KCNN3: variants seen among roughly 807,000 people sequenced by gnomAD.
KCNN3 encodes small conductance calcium-activated potassium channel protein 3.
A neutral mutation model predicts 62.9 loss-of-function variants in KCNN3; 16 were observed. The observed-to-expected ratio is 0.25, with a 90% CI of 0.17 to 0.39. The LOEUF is 0.39. Among genes scored for constraint, KCNN3 ranks in the 10% least tolerant of loss-of-function variants. The probability of loss-of-function intolerance (pLI) is 1.00; values close to 1 mark genes in which losing one functional copy is unlikely to be tolerated. For missense variants in KCNN3, 599 were observed against 949.4 expected, an observed-to-expected ratio of 0.63 and a Z score of 4.85; for synonymous variants, 370 against 389.2, an observed-to-expected ratio of 0.95 and a Z score of 0.58.
Position 154,870,180 on chromosome 1 carries a change from G to A in KCNN3, c.-216C>T. 1.4e-6 allele frequency: 1 copy of A among 711,288 alleles called. No homozygotes were observed. The highest frequency in any genetic ancestry group is 2.6e-6 in the Non-Finnish European group (1 of 389,336). The allele number at this position is 711,288 out of a possible 1,614,324, so 44.1% of individuals were successfully genotyped here. ...TATTGGGCAGGGAGGGAGAGCAGGA[G>A]GGGAGCTTGGAGAAAGAAGAGGGGG... On this transcript the variant is annotated 5_prime_UTR_variant, in exon 1 of 8. Coordinates refer to ENST00000271915, the MANE Select transcript of KCNN3 (RefSeq NM_002249.6).
intron 3 of KCNN3, among the ~76,000 whole-genome samples, chr1:154,764,671 T>A (rs947287109): frequency 6.6e-6 from 1 of 152,226 alleles, no homozygotes; most frequent in Non-Finnish European, 1.5e-5. Flanking sequence ...TCCTCTCAAA[T>A]TTTTAATCTG....
intron 3 of KCNN3, among the ~76,000 whole-genome samples, chr1:154,765,461 A>G (rs541651760): frequency 1.3e-5 from 2 of 152,252 alleles, no homozygotes; most frequent in South Asian, 4.1e-4. Flanking sequence ...ATGTAGTGCC[A>G]TCAATGTGGA....
chr1:154,740,210 TGGACAGTG>T (rs1161095427), intron 3 of KCNN3, among the ~76,000 whole-genome samples: 2 of 152,254 alleles, frequency 1.3e-5, no homozygotes, highest in East Asian at 1.9e-4. Context: ...CACCTGTTGA[TGGACAGTG>T]GGATAGCTTA....
In KCNN3 at chr1:154,796,985, G is replaced by A. The variant is rs561360834; in HGVS notation, c.1030-24592C>T. On this transcript the variant is annotated intron_variant, in intron 2 of 7. Transcript: ENST00000271915. ...ATCCCGGTGTGCTTGTGGACATGGG[G>A]GTGATCTGCTTGGCTTCATCAGCAG... Among the ~76,000 whole-genome samples, 7 of 152,342 alleles carry A rather than the reference G, an allele frequency of 4.6e-5. No individual in the cohort carries two copies. In the East Asian group the frequency reaches 9.6e-4, roughly 21 times the overall value.
At chr1:154,860,446 C>A (rs1405998723) in intron 1 of KCNN3, among the ~76,000 whole-genome samples, 3 of 152,172 alleles carry the variant, frequency 2.0e-5, no homozygotes, top group Non-Finnish European at 4.4e-5. Context: ...CATGTCCACA[C>A]CCGGTTAGCT....
At chr1:154,863,220 T>A (rs1356000821) in intron 1 of KCNN3, among the ~76,000 whole-genome samples, 1 of 151,664 alleles carries the variant, frequency 6.6e-6, no homozygotes, top group Admixed American at 6.6e-5. Flanking sequence ...GGGGGTGGAA[T>A]GACAGGGTCG....
intron 2 of KCNN3, among the ~76,000 whole-genome samples, chr1:154,790,995 G>A (rs567309831): frequency 6.0e-4 from 92 of 152,194 alleles, no homozygotes; most frequent in African/African-American, 1.7e-3. Context: ...TTGGGAGGCC[G>A]AGGTGAGTGG....
At chr1:154,868,661 G>C (rs553068886) in intron 1 of KCNN3, among the ~76,000 whole-genome samples, 1 of 152,196 alleles carries the variant, frequency 6.6e-6, no homozygotes, top group Non-Finnish European at 1.5e-5. Context: ...GCTTTAGTAC[G>C]AGTGAGCCAG....
chr1:154,742,503 G>A (rs988474881), intron 3 of KCNN3, among the ~76,000 whole-genome samples: 1 of 152,200 alleles, frequency 6.6e-6, no homozygotes. Flanking sequence ...GGTTAAAGGA[G>A]CTGATATGTC....
chr1:154,827,673 C>T (rs946986396), intron 1 of KCNN3, among the ~76,000 whole-genome samples: 5 of 152,042 alleles, frequency 3.3e-5, no homozygotes, highest in Non-Finnish European at 7.4e-5. Context: ...GTGGTGCAAG[C>T]CTGTAGTCTC....
intron 1 of KCNN3, among the ~76,000 whole-genome samples, chr1:154,835,874 A>G (rs1157442348): frequency 2.0e-5 from 3 of 152,220 alleles, no homozygotes; most frequent in Non-Finnish European, 4.4e-5. Context: ...GCAATTACCC[A>G]AAGCCATACA....
At chr1:154,726,988 A>C (rs1331627964) in intron 4 of KCNN3, among the ~76,000 whole-genome samples, 1 of 152,226 alleles carries the variant, frequency 6.6e-6, no homozygotes, top group Non-Finnish European at 1.5e-5. Context: ...GCACATTCCA[A>C]CATTCTCCCA....
At chr1:154,738,225 T>C (rs1406186324) in intron 3 of KCNN3, among the ~76,000 whole-genome samples, 1 of 152,008 alleles carries the variant, frequency 6.6e-6, no homozygotes, top group Non-Finnish European at 1.5e-5. Context: ...TTTAGGGGTT[T>C]TGGGGGAGGG....
chr1:154,810,245 C>T (rs534551009), intron 2 of KCNN3, among the ~76,000 whole-genome samples: 1 of 152,256 alleles, frequency 6.6e-6, no homozygotes, highest in East Asian at 1.9e-4. Context: ...CAGCCCAAGG[C>T]ACAGTGTCTA....
In KCNN3 at chr1:154,706,510, C is replaced by T. The variant is rs7543897; in HGVS notation, c.*1466G>A. 135,513 of 152,240 alleles carry T rather than the reference C, an allele frequency of 0.89. 60,451 individuals are homozygous for T. Among genetic ancestry groups the T allele is most frequent in the East Asian group, 0.97 (5,050 of 5,190 alleles). The allele number at this position is 152,240 out of a possible 1,614,324, so 9.4% of individuals were successfully genotyped here. A position where few individuals can be genotyped will look rare whatever the true frequency, so the allele number is the denominator to read the frequency against. On this transcript the variant is annotated 3_prime_UTR_variant, in exon 8 of 8. Transcript: ENST00000271915. ...ATGGAGCAATGAAAACATTTTTCTG[C>T]GCCGCTCATTACACTAAATCTTGAT...
chr1:154,831,976 C>T (rs1651394450), intron 1 of KCNN3, among the ~76,000 whole-genome samples: 1 of 152,106 alleles, frequency 6.6e-6, no homozygotes, highest in African/African-American at 2.4e-5. Context: ...CCCCATCATA[C>T]AGCATCCTGG....
At chr1:154,744,077 G>A (rs376905747) in intron 3 of KCNN3, among the ~76,000 whole-genome samples, 5 of 152,136 alleles carry the variant, frequency 3.3e-5, no homozygotes, top group South Asian at 4.2e-4. Context: ...TCTCCACAGC[G>A]CTTATCACCA....
rs1025956676 is a variant in KCNN3, at chr1:154,705,432, A to T, written c.*2544T>A. ...CTTTTGCCAAGAATAAAAATCATGT[A>T]TAGCTATTGCACTACCAATAGGTCA... On this transcript the variant is annotated 3_prime_UTR_variant, in exon 8 of 8. Transcript: ENST00000271915. 2 of 152,172 alleles carry T rather than the reference A, an allele frequency of 1.3e-5. No homozygotes were observed. Among genetic ancestry groups the T allele is most frequent in the African/African-American group, 4.8e-5 (2 of 41,438 alleles). 9.4% of individuals were successfully genotyped at this position (152,172 alleles called of 1,614,324 possible).
intron 2 of KCNN3, among the ~76,000 whole-genome samples, chr1:154,791,433 C>T (rs1157846085): frequency 3.3e-5 from 5 of 152,006 alleles, no homozygotes; most frequent in Admixed American, 6.6e-5. Context: ...GATGGGTGAT[C>T]GGCTGCCTCC....
Sources: allele counts gnomAD v4.1 joint callset (sites outside exome capture counted in the v4.1 genomes callset), GRCh38; gene constraint gnomAD v4.1.1; transcripts MANE v1.5; gene names NCBI Gene and HGNC (gene_info 2026-07-23, HGNC 2026-07-21).